The following CAAP1 variants were observed in gnomAD, a reference collection of about 807,000 sequenced individuals.
CAAP1 encodes the protein conserved anti-apoptotic protein.
CAAP1 carries 20 observed loss-of-function variants against 34.0 expected under a neutral mutation model. The ratio of observed to expected loss-of-function variants is 0.59; its 90% confidence interval spans 0.41 to 0.86. CAAP1 has a LOEUF of 0.86. Ranked by LOEUF, CAAP1 falls within the 40% of genes least tolerant of loss-of-function variation. The pLI is 0.00. For synonymous variants in CAAP1, 213 were observed against 166.7 expected (o/e 1.28, Z -2.14); for missense variants, 538 against 450.5 (o/e 1.19, Z -1.76).
At chr9:26,885,741 C>T (rs1823722394) in intron 3 of CAAP1, among the ~76,000 whole-genome samples, 1 of 152,020 alleles carries the variant, frequency 6.6e-6, no homozygotes, top group African/African-American at 2.4e-5. Flanking sequence ...AAACAATATG[C>T]AATAGGTGAC....
chr9:26,872,563 T>C lies in CAAP1; in HGVS notation c.666-11424A>G, dbSNP rs964464821. Among the ~76,000 whole-genome samples, 30 of 149,376 alleles carry C rather than the reference T, an allele frequency of 2.0e-4. 1 individual carries two copies. Among genetic ancestry groups the C allele is most frequent in the African/African-American group, 7.2e-4 (29 of 40,462 alleles). ...GATAGATATACATATAATATATATA[T>C]ATATATATATTTAGACAGAGTGTCA... On this transcript the variant is annotated intron_variant, in intron 4 of 5. Transcript: ENST00000333916.
At chr9:26,849,947 T>C (rs1260706238) in intron 5 of CAAP1, among the ~76,000 whole-genome samples, 1 of 151,942 alleles carries the variant, frequency 6.6e-6, no homozygotes, top group East Asian at 1.9e-4. Flanking sequence ...CACACCATTC[T>C]CCTGCCTCAG....
At chr9:26,879,687 G>A (rs1823536102) in intron 4 of CAAP1, among the ~76,000 whole-genome samples, 1 of 152,210 alleles carries the variant, frequency 6.6e-6, no homozygotes, top group Non-Finnish European at 1.5e-5. Flanking sequence ...AGATGTAAGA[G>A]TAGACTTGCT....
At position 26,842,628 on chromosome 9, in the gene CAAP1, A is replaced by G. The variant is rs771185534; in HGVS notation, c.759T>C (p.Asp253=). ...AAGCATCTGCATTTATACTGAGTAC[A>G]TCACTATCTTCCCCTTTTCCTGTAA... is the stretch of plus-strand genomic sequence containing the variant. The part of the protein sequence containing the change: ...ELKQGKGEDS[D]VLSINADAYD... Residue 253 remains aspartate (D), a synonymous_variant, in exon 6 of 6, where the codon GAT becomes GAC. Transcript: ENST00000333916. The G allele has an allele frequency of 6.2e-7, 1 of 1,606,756 alleles. No homozygotes were observed. The highest frequency in any genetic ancestry group is 8.5e-7 in the Non-Finnish European group (1 of 1,176,916).
intron 5 of CAAP1, among the ~76,000 whole-genome samples, chr9:26,843,401 G>C (rs1004995720): frequency 1.3e-5 from 2 of 152,030 alleles, no homozygotes; most frequent in East Asian, 3.8e-4. Flanking sequence ...TTGCAACTTT[G>C]AATACTCACT....
At chr9:26,866,725 T>G (rs956717705) in intron 4 of CAAP1, among the ~76,000 whole-genome samples, 10 of 152,174 alleles carry the variant, frequency 6.6e-5, no homozygotes, top group African/African-American at 1.9e-4. Context: ...ATTTGTGAAT[T>G]TGCCTAGTGT....
At chr9:26,865,423 T>A (rs575371014) in intron 4 of CAAP1, among the ~76,000 whole-genome samples, 2 of 152,012 alleles carry the variant, frequency 1.3e-5, no homozygotes, top group South Asian at 4.1e-4. Flanking sequence ...CTCGGGAGAA[T>A]TGAGGCAGTA....
At chr9:26,844,263 A>G (rs1822543669) in intron 5 of CAAP1, among the ~76,000 whole-genome samples, 1 of 152,178 alleles carries the variant, frequency 6.6e-6, no homozygotes, top group Middle Eastern at 3.2e-3. Context: ...AGGCTGAGGC[A>G]AGAGAATCAC....
intron 1 of CAAP1, among the ~76,000 whole-genome samples, chr9:26,890,582 A>G (rs969412795): frequency 6.6e-6 from 1 of 152,118 alleles, no homozygotes; most frequent in Non-Finnish European, 1.5e-5. Flanking sequence ...CACACCAAAA[A>G]AACACAAAGC....
At chr9:26,864,473 T>C (rs1346828565) in intron 4 of CAAP1, among the ~76,000 whole-genome samples, 3 of 151,566 alleles carry the variant, frequency 2.0e-5, no homozygotes, top group South Asian at 2.1e-4. Context: ...AATTTAATCC[T>C]ACACCTGCTG....
chr9:26,860,055 G>A (rs939781143), intron 5 of CAAP1, among the ~76,000 whole-genome samples: 2 of 152,074 alleles, frequency 1.3e-5, no homozygotes, highest in African/African-American at 4.8e-5. Context: ...TCATATTTAA[G>A]AGAAACTATT....
chr9:26,889,820 A>G (rs1004293753), intron 1 of CAAP1, among the ~76,000 whole-genome samples: 1 of 148,108 alleles, frequency 6.8e-6, no homozygotes, highest in Non-Finnish European at 1.5e-5. Context: ...GTGAGCCGAG[A>G]TCACGCCACT....
chr9:26,855,798 C>T (rs1213526432), intron 5 of CAAP1, among the ~76,000 whole-genome samples: 1 of 152,034 alleles, frequency 6.6e-6, no homozygotes, highest in Non-Finnish European at 1.5e-5. Context: ...GCTGCTTTCC[C>T]TAATGAACTG....
chr9:26,886,328 C>A, intron 2 of CAAP1, 140 bp from the exon 3 acceptor site: 1 of 408,094 alleles, frequency 2.5e-6, no homozygotes, highest in Non-Finnish European at 4.4e-6. Context: ...TCACATACAT[C>A]TTTTCCTGGG....
At chr9:26,846,446 GA>G (rs1387878539) in intron 5 of CAAP1, among the ~76,000 whole-genome samples, 8 of 136,042 alleles carry the variant, frequency 5.9e-5, no homozygotes, top group African/African-American at 1.4e-4. Flanking sequence ...AAAAGAAGAA[GA>G]AAAAAAAGAA....
intron 4 of CAAP1, among the ~76,000 whole-genome samples, chr9:26,878,476 C>G: frequency 6.6e-6 from 1 of 152,280 alleles, no homozygotes; most frequent in Middle Eastern, 3.4e-3. Context: ...ATATCTACTC[C>G]CCAGTTTTTT....
chr9:26,876,424 C>T (rs1171343194), intron 4 of CAAP1, among the ~76,000 whole-genome samples: 1 of 146,174 alleles, frequency 6.8e-6, no homozygotes, highest in African/African-American at 2.5e-5. Flanking sequence ...CTGGATATGT[C>T]TTGGGTGAGG....
chr9:26,877,536 A>G (rs1702746067), intron 4 of CAAP1, among the ~76,000 whole-genome samples: 2 of 152,302 alleles, frequency 1.3e-5, no homozygotes, highest in South Asian at 4.1e-4. Context: ...TTCACCCAAC[A>G]AATGAATGGT....
At chr9:26,886,260 C>T in intron 2 of CAAP1, 72 bp from the exon 3 acceptor site, 1 of 714,974 alleles carries the variant, frequency 1.4e-6, no homozygotes, top group Non-Finnish European at 2.1e-6. Flanking sequence ...AAATTTCAAT[C>T]ATAAAAATTT....
Sources: allele counts gnomAD v4.1 joint callset (sites outside exome capture counted in the v4.1 genomes callset), GRCh38; gene constraint gnomAD v4.1.1; transcripts MANE v1.5; gene names NCBI Gene and HGNC (gene_info 2026-07-23, HGNC 2026-07-21).